NTNG1: variants seen among roughly 807,000 people sequenced by gnomAD.
The protein encoded by NTNG1 is netrin G1, also known as netrin-G1.
In NTNG1, 16 loss-of-function variants were observed where a neutral mutation model predicts 54.0. That is an observed-to-expected ratio of 0.30 (90% CI 0.20 to 0.45). NTNG1 has a LOEUF of 0.45. Ranked by LOEUF, NTNG1 falls within the 20% of genes least tolerant of loss-of-function variation. The pLI is 1.00. For missense variants in NTNG1, 530 were observed against 678.7 expected, an observed-to-expected ratio of 0.78 and a Z score of 2.43; for synonymous variants, 255 against 263.1, an observed-to-expected ratio of 0.97 and a Z score of 0.30.
intron 2 of NTNG1, among the ~76,000 whole-genome samples, chr1:107,208,750 C>T (rs1659389045): frequency 6.6e-6 from 1 of 152,086 alleles, no homozygotes; most frequent in Non-Finnish European, 1.5e-5. Context: ...TGGAGTCCCT[C>T]CCAGAGGGTG....
chr1:107,186,625 A>T (rs1351013296), intron 2 of NTNG1, among the ~76,000 whole-genome samples: 2 of 152,114 alleles, frequency 1.3e-5, no homozygotes, highest in African/African-American at 4.8e-5. Context: ...CTCTCCGGCC[A>T]CCCAAGCCTT....
At chr1:107,246,534 G>C (rs1662214967) in intron 2 of NTNG1, among the ~76,000 whole-genome samples, 2 of 151,884 alleles carry the variant, frequency 1.3e-5, no homozygotes, top group Admixed American at 6.6e-5. Flanking sequence ...CTCAATTGAT[G>C]TAGTAGTCAT....
At chr1:107,275,626 G>A (rs1173036430) in intron 2 of NTNG1, among the ~76,000 whole-genome samples, 1 of 152,032 alleles carries the variant, frequency 6.6e-6, no homozygotes, top group East Asian at 1.9e-4. Flanking sequence ...GAGTCCAAAG[G>A]CAGGGAAAAA....
chr1:107,360,104 C>G (rs567050964), intron 3 of NTNG1, among the ~76,000 whole-genome samples: 49 of 152,294 alleles, frequency 3.2e-4, no homozygotes, highest in Non-Finnish European at 4.4e-5. Flanking sequence ...GACAACCGAC[C>G]AACCCTTTGG....
At chr1:107,410,575 T>C (rs1673732442) in intron 5 of NTNG1, 1 of 152,174 alleles carries the variant, frequency 6.6e-6, no homozygotes, top group Admixed American at 6.5e-5. Context: ...AAAATAAATC[T>C]GTAGCCTTTG....
At chr1:107,237,715 T>C (rs902985051) in intron 2 of NTNG1, among the ~76,000 whole-genome samples, 3 of 152,124 alleles carry the variant, frequency 2.0e-5, no homozygotes, top group African/African-American at 7.2e-5. Context: ...AGACCATGGC[T>C]TGAGAGGGTT....
chr1:107,215,703 C>T (rs1659906462), intron 2 of NTNG1, among the ~76,000 whole-genome samples: 1 of 152,014 alleles, frequency 6.6e-6, no homozygotes, highest in Non-Finnish European at 1.5e-5. Flanking sequence ...ATGAGAATTG[C>T]AAGGAATTTT....
chr1:107,443,009 A>G (rs1170506984), intron 7 of NTNG1, among the ~76,000 whole-genome samples: 1 of 152,138 alleles, frequency 6.6e-6, no homozygotes, highest in Non-Finnish European at 1.5e-5. Flanking sequence ...ACTCTGGAGA[A>G]GTTCCAATAG....
chr1:107,439,727 A>G (rs1675847396), intron 7 of NTNG1, among the ~76,000 whole-genome samples: 1 of 152,046 alleles, frequency 6.6e-6, no homozygotes, highest in Non-Finnish European at 1.5e-5. Context: ...AAGATCCTGA[A>G]GTGCCTTCCC....
At chr1:107,397,306 A>G (rs944939319) in intron 4 of NTNG1, among the ~76,000 whole-genome samples, 1 of 152,206 alleles carries the variant, frequency 6.6e-6, no homozygotes, top group Non-Finnish European at 1.5e-5. Context: ...AATTAGATGA[A>G]GGGTTTTAGA....
At chr1:107,232,814 A>C (rs1661163047) in intron 2 of NTNG1, among the ~76,000 whole-genome samples, 1 of 152,186 alleles carries the variant, frequency 6.6e-6, no homozygotes, top group African/African-American at 2.4e-5. Flanking sequence ...GTCAAAATGG[A>C]GGGTACTAAT....
At chr1:107,250,925 G>C (rs929978820) in intron 2 of NTNG1, among the ~76,000 whole-genome samples, 3 of 152,286 alleles carry the variant, frequency 2.0e-5, no homozygotes, top group African/African-American at 7.2e-5. Flanking sequence ...ATTTGTATTT[G>C]TTTAAATACA....
At chr1:107,430,281 T>C (rs987727406) in intron 5 of NTNG1, among the ~76,000 whole-genome samples, 3 of 152,160 alleles carry the variant, frequency 2.0e-5, no homozygotes, top group African/African-American at 7.2e-5. Flanking sequence ...CTTGGCATGA[T>C]GTCAGAGAGC....
chr1:107,305,008 T>C (rs985794055), intron 2 of NTNG1, among the ~76,000 whole-genome samples: 8 of 152,164 alleles, frequency 5.3e-5, no homozygotes, highest in African/African-American at 1.9e-4. Flanking sequence ...GTTCCTGTGT[T>C]AGTTTGCTGA....
At chr1:107,379,423 C>A (rs1349976624) in intron 3 of NTNG1, among the ~76,000 whole-genome samples, 1 of 152,102 alleles carries the variant, frequency 6.6e-6, no homozygotes, top group Non-Finnish European at 1.5e-5. Flanking sequence ...GATTCAAGCA[C>A]CTGAAAGTTT....
intron 2 of NTNG1, among the ~76,000 whole-genome samples, chr1:107,259,984 A>G (rs1209847281): frequency 1.3e-5 from 2 of 152,156 alleles, no homozygotes; most frequent in Non-Finnish European, 2.9e-5. Context: ...GAGGGACACC[A>G]TAGAGCCGAG....
chr1:107,173,309 G>A (rs1355438021), intron 2 of NTNG1, among the ~76,000 whole-genome samples: 1 of 151,936 alleles, frequency 6.6e-6, no homozygotes, highest in Non-Finnish European at 1.5e-5. Context: ...CTAAACCTTA[G>A]TCTAGGATAC....
At chr1:107,361,406 T>TG (rs1670294989) in intron 3 of NTNG1, among the ~76,000 whole-genome samples, 1 of 141,072 alleles carries the variant, frequency 7.1e-6, no homozygotes, top group East Asian at 2.0e-4. Flanking sequence ...TTTTTTTTTT[T>TG]GAGACACAGT....
At chr1:107,453,641 A>G (rs1393305204) in intron 7 of NTNG1, among the ~76,000 whole-genome samples, 2 of 152,226 alleles carry the variant, frequency 1.3e-5, no homozygotes, top group Non-Finnish European at 2.9e-5. Context: ...TCAAACTGCC[A>G]TGACTTTAAT....
Sources: gnomAD v4.1 joint callset for allele counts (sites outside exome capture counted in the v4.1 genomes callset) on GRCh38, gnomAD v4.1.1 for gene constraint, MANE v1.5 for transcripts, NCBI Gene and HGNC (gene_info 2026-07-23, HGNC 2026-07-21) for gene names.